The following INTS13 variants were observed in gnomAD, a reference collection of about 807,000 sequenced individuals.
INTS13 encodes asunder, spermatogenesis regulator homolog (Drosphila).
INTS13 carries 35 observed loss-of-function variants against 90.2 expected under a neutral mutation model. That is an observed-to-expected ratio of 0.39 (90% confidence interval 0.30 to 0.51). INTS13 has a LOEUF of 0.51. Among genes scored for constraint, INTS13 ranks in the 20% least tolerant of loss-of-function variants. The probability of loss-of-function intolerance (pLI) is 0.80; values close to 1 mark genes in which losing one functional copy is unlikely to be tolerated. For synonymous variants in INTS13, 309 were observed against 277.1 expected (o/e 1.11, Z -1.14); for missense variants, 601 against 851.2 (o/e 0.71, Z 3.66).
At chr12:26,921,984 T>G (rs529548203) in intron 8 of INTS13, among the ~76,000 whole-genome samples, 1 of 152,270 alleles carries the variant, frequency 6.6e-6, no homozygotes, top group East Asian at 1.9e-4. Flanking sequence ...AATACAAAAT[T>G]CCAGAAATAA....
chr12:26,933,727 C>T (rs992361561), intron 3 of INTS13, among the ~76,000 whole-genome samples: 2 of 152,102 alleles, frequency 1.3e-5, no homozygotes, highest in African/African-American at 4.8e-5. Context: ...AGACTGTGCT[C>T]CAAGAAGTTC....
At chr12:26,919,295 C>T (rs1952037754) in intron 8 of INTS13, among the ~76,000 whole-genome samples, 2 of 151,944 alleles carry the variant, frequency 1.3e-5, no homozygotes, top group South Asian at 4.1e-4. Context: ...ATCTGTGTGG[C>T]TGAAACAGAG....
chr12:26,916,754 C>G (rs1016329648), intron 10 of INTS13, among the ~76,000 whole-genome samples: 1 of 152,124 alleles, frequency 6.6e-6, no homozygotes, highest in Admixed American at 6.5e-5. Context: ...CTGAGATGAT[C>G]ATAAGAATTA....
chr12:26,915,151 A>G (rs1951895845), intron 11 of INTS13, among the ~76,000 whole-genome samples: 1 of 152,150 alleles, frequency 6.6e-6, no homozygotes, highest in Admixed American at 6.5e-5. Flanking sequence ...GCCTAAACCC[A>G]GGAGGCAGAG....
At chr12:26,932,519 G>A (rs995550559) in intron 3 of INTS13, among the ~76,000 whole-genome samples, 3 of 152,132 alleles carry the variant, frequency 2.0e-5, no homozygotes, top group African/African-American at 7.2e-5. Flanking sequence ...AAACTGAAAG[G>A]TATCAAATAT....
intron 5 of INTS13, among the ~76,000 whole-genome samples, chr12:26,926,977 T>TA (rs200976742): frequency 0.012 from 1,779 of 152,268 alleles, 28 homozygotes; most frequent in African/African-American, 0.039. Flanking sequence ...GAAGCCTCCA[T>TA]AAAAATCCCT....
rs1246108433 is a variant in INTS13, at chr12:26,936,812, A to T, written c.-9T>A. 2 of 1,597,774 alleles carry T rather than the reference A, an allele frequency of 1.3e-6. No individual in the cohort carries two copies. Among genetic ancestry groups the T allele is most frequent in the Admixed American group, 3.3e-5 (2 of 59,896 alleles). On this transcript the variant is annotated splice_region_variant and 5_prime_UTR_variant, in exon 2 of 17. Transcript: ENST00000261191. ...TCAGAAAAAATCTTCATTTTGTTTT[A>T]ACCTGTAAGGGGAAAAACATATTAG...
At chr12:26,929,754 A>C (rs2137544878) in intron 3 of INTS13, among the ~76,000 whole-genome samples, 1 of 151,552 alleles carries the variant, frequency 6.6e-6, no homozygotes, top group Non-Finnish European at 1.5e-5. Flanking sequence ...GAAAGAAGAA[A>C]GAAAGGAAGG....
At chr12:26,905,585 ATT>A (rs537076915) in intron 16 of INTS13, 49 bp from the exon 17 acceptor site, 533 of 1,524,386 alleles carry the variant, frequency 3.5e-4, no homozygotes, top group Non-Finnish European at 4.0e-4. Flanking sequence ...ATTCATTAAC[ATT>A]TTGTCTCCTT....
At chr12:26,920,543 C>T (rs966319210) in intron 8 of INTS13, among the ~76,000 whole-genome samples, 1 of 151,816 alleles carries the variant, frequency 6.6e-6, no homozygotes, top group Non-Finnish European at 1.5e-5. Context: ...GGACTACAGG[C>T]GCACGCCACC....
At chr12:26,925,411 T>C (rs967746736) in intron 6 of INTS13, among the ~76,000 whole-genome samples, 2 of 152,128 alleles carry the variant, frequency 1.3e-5, no homozygotes, top group African/African-American at 4.8e-5. Context: ...TTTATTGGAA[T>C]ATTTTTTGTT....
Position 26,905,975 on chromosome 12 carries a change from T to C in INTS13, c.2081+327A>G, listed in dbSNP as rs138744279. Among the ~76,000 whole-genome samples, 684 of 152,312 alleles carry C rather than the reference T, an allele frequency of 4.5e-3. 5 individuals carry two copies. The highest frequency in any genetic ancestry group is 0.015 in the African/African-American group (638 of 41,568). On this transcript the variant is annotated intron_variant, in intron 16 of 16. Coordinates refer to ENST00000261191, the MANE Select transcript of INTS13 (RefSeq NM_018164.3). ...TTACTATAATCAATATTCTTAATAT[T>C]GTATTCCTTAATAGGAAAACATTTT...
At chr12:26,921,852 C>T (rs745835153) in intron 8 of INTS13, among the ~76,000 whole-genome samples, 13 of 152,196 alleles carry the variant, frequency 8.5e-5, no homozygotes, top group Non-Finnish European at 1.9e-4. Flanking sequence ...GACGGGCCTT[C>T]GCCATGTTGG....
At chr12:26,918,375 T>A (rs961791804) in intron 8 of INTS13, among the ~76,000 whole-genome samples, 2 of 152,170 alleles carry the variant, frequency 1.3e-5, no homozygotes, top group Admixed American at 1.3e-4. Context: ...AGGGAAAATA[T>A]CTCTGAGACA....
chr12:26,917,845 C>T (rs913636949), intron 8 of INTS13, 112 bp from the exon 9 acceptor site: 11 of 776,426 alleles, frequency 1.4e-5, no homozygotes, highest in East Asian at 6.0e-5. Context: ...TAAAAGCGGC[C>T]GGGTGCAGTG....
intron 3 of INTS13, 49 bp downstream of exon 3, chr12:26,934,507 C>T: frequency 1.5e-6 from 2 of 1,298,402 alleles, no homozygotes; most frequent in Non-Finnish European, 2.2e-6. Flanking sequence ...AAAAGTATTA[C>T]CACATTTAGA....
chr12:26,927,197 T>C (rs759016817), intron 5 of INTS13, among the ~76,000 whole-genome samples: 10 of 152,194 alleles, frequency 6.6e-5, no homozygotes, highest in East Asian at 1.9e-4. Flanking sequence ...GAACAAAGTA[T>C]TGAACATGAG....
chr12:26,913,156 A>G (rs1951835465), intron 14 of INTS13, among the ~76,000 whole-genome samples: 1 of 152,210 alleles, frequency 6.6e-6, no homozygotes, highest in African/African-American at 2.4e-5. Context: ...GAATAAAATT[A>G]TGTCTGTGAA....
rs2306852 is a variant in INTS13, at chr12:26,936,607, A to G, written c.197T>C (p.Met66Thr). Residue 66 changes from methionine to threonine, a missense_variant, in exon 2 of 17, where the codon ATG (methionine) becomes ACG (threonine). By Grantham distance (81) the Met-to-Thr change is moderately conservative. Transcript: ENST00000261191. ...CTTTTTGAAAGGAAATATATCATACATTATTCTACAATATTCCATGGAAGA... is the reference window on the plus strand; with the variant it reads ...CTTTTTGAAAGGAAATATATCATACGTTATTCTACAATATTCCATGGAAGA... ...VESSMEYCRI[M>T]YDIFPFKKLV... is the part of the protein sequence containing the mutation. The G allele has an allele frequency of 6.5e-3, 10,398 of 1,611,946 alleles. 58 individuals carry two copies. The highest frequency in any genetic ancestry group is 0.012 in the South Asian group (1,078 of 91,016).
Sources: allele counts gnomAD v4.1 joint callset (sites outside exome capture counted in the v4.1 genomes callset), GRCh38; gene constraint gnomAD v4.1.1; transcripts MANE v1.5; gene names NCBI Gene and HGNC (gene_info 2026-07-23, HGNC 2026-07-21).